Variants in ATOSA observed in about 807,000 individuals in gnomAD.
The protein encoded by ATOSA is atos homolog A, also known as atos homolog protein A.
the ATOSA span, among the ~76,000 whole-genome samples, chr15:52,628,902 T>A: frequency 5.3e-5 from 8 of 152,202 alleles, no homozygotes; most frequent in African/African-American, 1.9e-4. Context: ...TGTTAACAAA[T>A]ATATTTTCTA....
At chr15:52,679,924 G>A in the ATOSA span, among the ~76,000 whole-genome samples, 1 of 150,870 alleles carries the variant, frequency 6.6e-6, no homozygotes, top group Non-Finnish European at 1.5e-5. Flanking sequence ...GACCGGGACG[G>A]GGGGTGGGCA....
chr15:52,589,697 T>C, the ATOSA span, among the ~76,000 whole-genome samples: 9 of 152,224 alleles, frequency 5.9e-5, no homozygotes, highest in Non-Finnish European at 1.3e-4. Context: ...ATTATTGTAA[T>C]AATTTCATCA....
At chr15:52,700,724 G>T in the ATOSA span, among the ~76,000 whole-genome samples, 1 of 152,086 alleles carries the variant, frequency 6.6e-6, no homozygotes, top group Non-Finnish European at 1.5e-5. Flanking sequence ...TTAAGTTGTT[G>T]CTTTCCTTTA....
chr15:52,611,239 T>C, the ATOSA span: 7 of 1,613,018 alleles, frequency 4.3e-6, no homozygotes, highest in African/African-American at 9.3e-5. Context: ...TTCTCTTCAA[T>C]AAATCGGTCA....
the ATOSA span, among the ~76,000 whole-genome samples, chr15:52,647,519 T>C: frequency 6.6e-6 from 1 of 152,260 alleles, no homozygotes; most frequent in Non-Finnish European, 1.5e-5. Context: ...ATTTAATTTC[T>C]GCCTTCCAGG....
the ATOSA span, chr15:52,658,076 G>T: frequency 6.6e-6 from 1 of 152,094 alleles, no homozygotes; most frequent in Non-Finnish European, 1.5e-5. Context: ...AATAGATATT[G>T]GTTTTTACCA....
chr15:52,598,558 A>G, the ATOSA span: 1 of 152,236 alleles, frequency 6.6e-6, no homozygotes, highest in Non-Finnish European at 1.5e-5. Flanking sequence ...AAATTCACTA[A>G]GCAGAGGAAA....
the ATOSA span, chr15:52,601,280 C>A: frequency 1.3e-5 from 8 of 624,762 alleles, no homozygotes; most frequent in South Asian, 6.6e-5. Flanking sequence ...ATTACAACTT[C>A]TCCTATAATA....
At chr15:52,604,214 G>A in the ATOSA span, among the ~76,000 whole-genome samples, 1 of 152,202 alleles carries the variant, frequency 6.6e-6, no homozygotes, top group Non-Finnish European at 1.5e-5. Context: ...GAGGTCAAGA[G>A]ATCGAGAACA....
the ATOSA span, among the ~76,000 whole-genome samples, chr15:52,639,036 A>C: frequency 1.5e-3 from 222 of 152,088 alleles, no homozygotes; most frequent in Middle Eastern, 0.01. Flanking sequence ...CTTCAAGCAA[A>C]AAAAAGAAAG....
At chr15:52,678,361 A>C in the ATOSA span, 2 of 449,940 alleles carry the variant, frequency 4.4e-6, no homozygotes, top group Non-Finnish European at 8.0e-6. Flanking sequence ...TCTGAACCAA[A>C]ACAGGATCTA....
At chr15:52,609,086 T>C in the ATOSA span, 332,713 of 1,612,686 alleles carry the variant, frequency 0.21, 47,232 homozygotes, top group East Asian at 0.82. Context: ...ATTGAGGAAG[T>C]TGATAAACTA....
At chr15:52,694,376 G>A in the ATOSA span, among the ~76,000 whole-genome samples, 1 of 152,042 alleles carries the variant, frequency 6.6e-6, no homozygotes, top group Non-Finnish European at 1.5e-5. Flanking sequence ...ATGTTGAACA[G>A]GCTGGTCTCG....
chr15:52,614,326 G>A, the ATOSA span, among the ~76,000 whole-genome samples: 2 of 151,120 alleles, frequency 1.3e-5, no homozygotes, highest in African/African-American at 4.9e-5. Context: ...GGCTGGTCTC[G>A]AACTCCTGAC....
At chr15:52,609,928 T>C in the ATOSA span, 1 of 1,610,912 alleles carries the variant, frequency 6.2e-7, no homozygotes, top group Non-Finnish European at 8.5e-7. Flanking sequence ...TGATGTTTCT[T>C]GTGATTTTAT....
At chr15:52,646,488 C>A in the ATOSA span, among the ~76,000 whole-genome samples, 1 of 152,150 alleles carries the variant, frequency 6.6e-6, no homozygotes, top group African/African-American at 2.4e-5. Flanking sequence ...GCATTCCAGG[C>A]TGGTCCTTTT....
the ATOSA span, among the ~76,000 whole-genome samples, chr15:52,632,601 T>C: frequency 6.6e-6 from 1 of 152,226 alleles, no homozygotes; most frequent in Non-Finnish European, 1.5e-5. Context: ...CACACTTTGC[T>C]ATGATAGGAA....
the ATOSA span, among the ~76,000 whole-genome samples, chr15:52,600,844 A>G: frequency 2.9e-5 from 4 of 136,026 alleles, no homozygotes; most frequent in Admixed American, 1.4e-4. Context: ...TAATAACTAG[A>G]AATATATAAA....
At chr15:52,611,471 T>TGAATTCTCTATGTATCTCTATGAA in the ATOSA span, 2 of 1,283,050 alleles carry the variant, frequency 1.6e-6, no homozygotes, top group East Asian at 4.9e-5. Flanking sequence ...CTCAATTTTA[T>TGAATTCTCTATGTATCTCTATGAA]TACATAGAGG....
Sources: allele counts gnomAD v4.1 joint callset (sites outside exome capture counted in the v4.1 genomes callset), GRCh38; gene constraint gnomAD v4.1.1; transcripts MANE v1.5; gene names NCBI Gene and HGNC (gene_info 2026-07-23, HGNC 2026-07-21).